The following ADAM22 variants were observed in gnomAD, a reference collection of about 807,000 sequenced individuals.
ADAM22 encodes the protein disintegrin and metalloproteinase domain-containing protein 22.
Under a neutral mutation model 144.6 loss-of-function variants are expected in ADAM22, and 65 were observed. That is an observed-to-expected ratio of 0.45 (90% CI 0.37 to 0.55). The LOEUF (loss-of-function observed/expected upper bound fraction) is 0.55, where lower values mean the gene tolerates loss of function less well. Among genes scored for constraint, ADAM22 ranks in the 20% least tolerant of loss-of-function variants. The pLI, the probability that ADAM22 is intolerant of heterozygous loss-of-function variation, is 0.00. For synonymous variants in ADAM22, 391 were observed against 412.6 expected, an observed-to-expected ratio of 0.95 and a Z score of 0.63; for missense variants, 974 against 1,184.9, an observed-to-expected ratio of 0.82 and a Z score of 2.61.
At chr7:88,038,706 G>C (rs1185973768) in intron 3 of ADAM22, among the ~76,000 whole-genome samples, 1 of 151,760 alleles carries the variant, frequency 6.6e-6, no homozygotes, top group Non-Finnish European at 1.5e-5. Flanking sequence ...GCCCGTCTCG[G>C]CCTCCCAAAG....
chr7:88,109,726 A>G (rs1309416818), intron 5 of ADAM22, among the ~76,000 whole-genome samples: 1 of 149,364 alleles, frequency 6.7e-6, no homozygotes, highest in African/African-American at 2.5e-5. Flanking sequence ...TTTGAGAGAG[A>G]GAGAGGAAAA....
At position 88,193,356 on chromosome 7, in the gene ADAM22, T is replaced by C. The variant is rs1163283806; in HGVS notation, c.2874+117T>C. On this transcript the variant is annotated intron_variant, in intron 31 of 31. Transcript: ENST00000413139. ...CCTTGTTCCTAAGAAAATGAAAAAA[T>C]CAAACTTGAAAATAAGGAGATTCTT... 7.1e-6 allele frequency: 9 copies of C among 1,267,290 alleles called. No homozygotes were observed. The African/African-American group carries it at 1.2e-4, about 17-fold the overall frequency. The allele number at this position is 1,267,290 out of a possible 1,614,324, so 78.5% of individuals were successfully genotyped here. A position where few individuals can be genotyped will look rare whatever the true frequency, so the allele number is the denominator to read the frequency against.
In ADAM22 at chr7:88,038,600, G is replaced by A. The variant is rs535724136; in HGVS notation, c.324-37026G>A. Among the ~76,000 whole-genome samples the A allele has an allele frequency of 7.1e-4, 107 of 150,606 alleles. 3 individuals are homozygous for A. Among genetic ancestry groups the A allele is most frequent in the Non-Finnish European group, 2.4e-4 (16 of 67,644 alleles). On this transcript the variant is annotated intron_variant, in intron 3 of 31. Coordinates refer to ENST00000413139, the MANE Select transcript of ADAM22 (RefSeq NM_001324418.2). ...CTCCCGTGTAGCTGGGACTACAGGC[G>A]CGCACCACCATGCCCGGCTAATTTT...
chr7:88,145,459 G>T lies in ADAM22; in HGVS notation c.1437G>T (p.Leu479Phe). 6.2e-7 allele frequency: 1 copy of T among 1,613,700 alleles called. No homozygotes were observed. The highest frequency in any genetic ancestry group is 1.1e-5 in the South Asian group (1 of 91,040). ...CAGAGTGTTGTAAGAAATGCACCTTGACTCAAGACTCTCAATGCAGTGACG... is the reference window on the plus strand; with the variant it reads ...CAGAGTGTTGTAAGAAATGCACCTTTACTCAAGACTCTCAATGCAGTGACG... The part of the protein sequence containing the change: ...EGAECCKKCT[L>F]TQDSQCSDGL... The change falls in exon 17 of 32, where the codon TTG becomes TTT. Residue 479 changes from leucine to phenylalanine, a missense_variant. By Grantham distance (22) the Leu-to-Phe change is conservative. Coordinates refer to ENST00000413139, the MANE Select transcript of ADAM22 (RefSeq NM_001324418.2).
At chr7:88,179,215 T>C in intron 27 of ADAM22, 86 bp downstream of exon 27, 1 of 560,236 alleles carries the variant, frequency 1.8e-6, no homozygotes, top group Non-Finnish European at 3.2e-6. Context: ...TGCCATATGC[T>C]CAGAACCACT....
chr7:88,049,538 A>G (rs989160536), intron 3 of ADAM22, among the ~76,000 whole-genome samples: 4 of 152,154 alleles, frequency 2.6e-5, no homozygotes, highest in African/African-American at 9.7e-5. Context: ...AGCTGGGATT[A>G]CAGGCATGCA....
At chr7:87,943,769 A>G (rs1842922453) in intron 2 of ADAM22, among the ~76,000 whole-genome samples, 2 of 152,226 alleles carry the variant, frequency 1.3e-5, no homozygotes, top group East Asian at 3.9e-4. Flanking sequence ...ATTCTCCCCT[A>G]CCCCTAAATA....
rs768358053 is a variant in ADAM22, at chr7:88,132,915, G to A, written c.1041G>A (p.Gly347=). 4 of 1,614,030 alleles carry A rather than the reference G, an allele frequency of 2.5e-6. No homozygotes were observed. The highest frequency in any genetic ancestry group is 1.7e-4 in the Middle Eastern group (1 of 6,060). ...SSRSGAAYIG[G]ICSLLKGGGV... ...GGAGCGGGGCAGCTTATATTGGTGG[G>A]ATTTGCTCGTTGCTGAAAGGAGGAG... Residue 347 remains glycine (G), a synonymous_variant, in exon 12 of 32, where the codon GGG becomes GGA. Coordinates refer to ENST00000413139, the MANE Select transcript of ADAM22 (RefSeq NM_001324418.2).
chr7:88,082,403 A>T (rs369795367), intron 4 of ADAM22, among the ~76,000 whole-genome samples: 3 of 152,178 alleles, frequency 2.0e-5, no homozygotes, highest in Admixed American at 1.3e-4. Flanking sequence ...AACCTAGGCA[A>T]TACCATTCAG....
chr7:88,133,750 A>G (rs1213806440), intron 12 of ADAM22, among the ~76,000 whole-genome samples: 4 of 152,216 alleles, frequency 2.6e-5, no homozygotes, highest in Non-Finnish European at 5.9e-5. Flanking sequence ...CTCCTAAGGC[A>G]CTAAACCTAC....
At chr7:88,135,321 A>G (rs185207465) in intron 13 of ADAM22, among the ~76,000 whole-genome samples, 136 of 149,200 alleles carry the variant, frequency 9.1e-4, no homozygotes, top group Admixed American at 1.7e-3. Context: ...CCATGTATAG[A>G]GTACCTATTA....
chr7:87,943,779 A>G (rs1278654572), intron 2 of ADAM22, among the ~76,000 whole-genome samples: 1 of 152,146 alleles, frequency 6.6e-6, no homozygotes, highest in African/African-American at 2.4e-5. Flanking sequence ...ACCCCTAAAT[A>G]TGCTTGTTAT....
chr7:88,083,251 C>T (rs62486408), intron 4 of ADAM22, among the ~76,000 whole-genome samples: 84,120 of 151,696 alleles, frequency 0.55, 24,418 homozygotes, highest in East Asian at 0.88. Flanking sequence ...AAAAACCAAA[C>T]ACCGCATGTT....
At chr7:88,005,560 C>T (rs988661898) in intron 3 of ADAM22, among the ~76,000 whole-genome samples, 1 of 152,120 alleles carries the variant, frequency 6.6e-6, no homozygotes, top group African/African-American at 2.4e-5. Context: ...GATCCTATGA[C>T]AAGATGGATG....
chr7:88,020,795 A>C (rs1221363043), intron 3 of ADAM22, among the ~76,000 whole-genome samples: 2 of 152,162 alleles, frequency 1.3e-5, no homozygotes, highest in Non-Finnish European at 2.9e-5. Context: ...TATTCCAGGA[A>C]AGTTTATTTT....
intron 3 of ADAM22, among the ~76,000 whole-genome samples, chr7:88,069,652 A>G (rs962857321): frequency 2.0e-5 from 3 of 152,214 alleles, no homozygotes; most frequent in African/African-American, 7.2e-5. Context: ...CCATTATAGT[A>G]TCAGGCTCAA....
chr7:88,080,949 C>T (rs1183428080), intron 4 of ADAM22, among the ~76,000 whole-genome samples: 1 of 152,116 alleles, frequency 6.6e-6, no homozygotes, highest in African/African-American at 2.4e-5. Context: ...TGAAACTATT[C>T]CAATCAATAG....
At chr7:88,069,959 T>C (rs1418691097) in intron 3 of ADAM22, among the ~76,000 whole-genome samples, 1 of 152,188 alleles carries the variant, frequency 6.6e-6, no homozygotes, top group Non-Finnish European at 1.5e-5. Flanking sequence ...AGCAGTCCTT[T>C]TGTGGTTCTT....
At chr7:87,982,044 CATATATATATATAT>C (rs57982467) in intron 3 of ADAM22, among the ~76,000 whole-genome samples, 14 of 113,226 alleles carry the variant, frequency 1.2e-4, no homozygotes, top group Admixed American at 4.0e-4. Context: ...ATGTTTATTT[CATATATATATATAT>C]ATATATATAT....
Sources: allele counts gnomAD v4.1 joint callset (sites outside exome capture counted in the v4.1 genomes callset), GRCh38; gene constraint gnomAD v4.1.1; transcripts MANE v1.5; gene names NCBI Gene and HGNC (gene_info 2026-07-23, HGNC 2026-07-21).